Variants in LRP12 observed in about 807,000 individuals in gnomAD.
LRP12 encodes the protein LDL receptor related protein 12.
Under a neutral mutation model 66.0 loss-of-function variants are expected in LRP12, and 14 were observed. The ratio of observed to expected loss-of-function variants is 0.21; its 90% confidence interval spans 0.14 to 0.33. LRP12 has a LOEUF of 0.33. LRP12 is among the 10% of genes least tolerant of loss of function. The pLI is 1.00. For missense variants in LRP12, 889 were observed against 1,053.4 expected, an observed-to-expected ratio of 0.84 and a Z score of 2.16; for synonymous variants, 357 against 359.1, an observed-to-expected ratio of 0.99 and a Z score of 0.07.
chr8:104,544,069 A>C (rs530980238), intron 1 of LRP12, among the ~76,000 whole-genome samples: 1 of 152,354 alleles, frequency 6.6e-6, no homozygotes, highest in East Asian at 1.9e-4. Context: ...GTGCAACTCC[A>C]GTGAAAACAC....
intron 2 of LRP12, among the ~76,000 whole-genome samples, chr8:104,517,262 T>C (rs908168906): frequency 2.7e-5 from 4 of 150,768 alleles, no homozygotes; most frequent in African/African-American, 9.8e-5. Flanking sequence ...TGTTCAGTTA[T>C]AGACATGGTG....
chr8:104,491,857 G>C (rs1312436179), intron 6 of LRP12, among the ~76,000 whole-genome samples: 1 of 152,000 alleles, frequency 6.6e-6, no homozygotes, highest in East Asian at 1.9e-4. Context: ...AATCCAACAT[G>C]AAAAGTGTAC....
intron 2 of LRP12, among the ~76,000 whole-genome samples, chr8:104,513,544 A>C (rs1811028354): frequency 6.6e-6 from 1 of 152,210 alleles, no homozygotes; most frequent in South Asian, 2.1e-4. Context: ...CCATGCTAGC[A>C]GGAAAAGGCC....
chr8:104,549,328 C>T (rs1811689998), intron 1 of LRP12, among the ~76,000 whole-genome samples: 1 of 151,822 alleles, frequency 6.6e-6, no homozygotes, highest in East Asian at 1.9e-4. Flanking sequence ...ACATCTGAAG[C>T]TCATGTGGAA....
At chr8:104,502,009 A>G (rs564386601) in intron 3 of LRP12, among the ~76,000 whole-genome samples, 1 of 152,300 alleles carries the variant, frequency 6.6e-6, no homozygotes, top group South Asian at 2.1e-4. Context: ...TTCAAGTAGA[A>G]AATGAGATTC....
At chr8:104,576,435 C>T (rs1235973671) in intron 1 of LRP12, among the ~76,000 whole-genome samples, 1 of 152,186 alleles carries the variant, frequency 6.6e-6, no homozygotes, top group Non-Finnish European at 1.5e-5. Flanking sequence ...AGCAACTCTA[C>T]AAGCCAGAAG....
intron 1 of LRP12, among the ~76,000 whole-genome samples, chr8:104,539,429 G>A (rs887700700): frequency 1.3e-5 from 2 of 151,970 alleles, no homozygotes; most frequent in Non-Finnish European, 2.9e-5. Flanking sequence ...TGGGTACATA[G>A]GGGGTCATTA....
At chr8:104,509,126 T>A in intron 2 of LRP12, 52 bp from the exon 3 acceptor site, 2 of 1,544,248 alleles carry the variant, frequency 1.3e-6, no homozygotes, top group Non-Finnish European at 1.8e-6. Context: ...TTAAATGGTA[T>A]TAGGTAAATC....
At chr8:104,505,636 C>G (rs1810896805) in intron 3 of LRP12, 1 of 152,088 alleles carries the variant, frequency 6.6e-6, no homozygotes, top group Non-Finnish European at 1.5e-5. Flanking sequence ...CTCCTGACCT[C>G]AAGTGATCTG....
intron 1 of LRP12, among the ~76,000 whole-genome samples, chr8:104,542,994 A>AATATAAATATATATATATATATATAT (rs544043214): frequency 4.9e-5 from 7 of 144,116 alleles, no homozygotes; most frequent in African/African-American, 1.8e-4. Context: ...AACACACACA[A>AATATAAATATATATATATATATATAT]ATATATATAT....
At chr8:104,536,579 AG>A (rs766676879) in intron 1 of LRP12, among the ~76,000 whole-genome samples, 2 of 152,062 alleles carry the variant, frequency 1.3e-5, no homozygotes, top group Non-Finnish European at 2.9e-5. Context: ...AAGAGTTGGT[AG>A]TCTGTTGACA....
chr8:104,491,601 A>AAAC, intron 6 of LRP12, 62 bp from the exon 7 acceptor site: 11 of 1,312,620 alleles, frequency 8.4e-6, no homozygotes, highest in Admixed American at 2.6e-5. Context: ...AAAAAAAAAA[A>AAAC]AAAACACCCT....
intron 1 of LRP12, among the ~76,000 whole-genome samples, chr8:104,537,049 A>T (rs962896390): frequency 2.6e-5 from 4 of 151,618 alleles, no homozygotes; most frequent in African/African-American, 9.7e-5. Flanking sequence ...TGAACAATTA[A>T]GAAAACAGAA....
intron 1 of LRP12, among the ~76,000 whole-genome samples, chr8:104,555,602 G>T (rs772547195): frequency 2.6e-5 from 4 of 152,038 alleles, no homozygotes; most frequent in African/African-American, 4.8e-5. Flanking sequence ...CTAGTCCAAA[G>T]GAAAATATCA....
At position 104,527,651 on chromosome 8, in the gene LRP12, GA is replaced by G. The variant is rs1443446598; in HGVS notation, c.136+4255del. ...GAACAATGAGAACACATGGACACAG[GA>G]AGGGGAACATCACACTCTGGGGACT... On this transcript the variant is annotated intron_variant, in intron 2 of 6. Transcript: ENST00000276654. Among the ~76,000 whole-genome samples the G allele has an allele frequency of 1.3e-4, 20 of 152,108 alleles. No homozygotes were observed. The South Asian group carries it at 1.7e-3, about 13-fold the overall frequency.
At chr8:104,584,203 C>T (rs1812296543) in intron 1 of LRP12, among the ~76,000 whole-genome samples, 2 of 152,040 alleles carry the variant, frequency 1.3e-5, no homozygotes, top group South Asian at 4.1e-4. Context: ...AGATCATCAA[C>T]TTCCAATTCC....
At position 104,495,138 on chromosome 8, in the gene LRP12, T is replaced by C. The variant is rs145049158; in HGVS notation, c.1652A>G (p.Gln551Arg). ...TGGAATTAAACCCTGAGCAATCAAT[T>C]GTCCATACGAGGGAGGAGCTTCTCT... ...LRREAPPSYG[Q>R]LIAQGLIPPV... The change falls in exon 6 of 7, where the codon CAA becomes CGA. Residue 551 changes from glutamine to arginine, a missense_variant. Transcript: ENST00000276654. 1.9e-5 allele frequency: 30 copies of C among 1,613,912 alleles called. No individual in the cohort carries two copies. The East Asian group carries it at 6.7e-4, about 36-fold the overall frequency.
At chr8:104,529,200 A>G (rs887315312) in intron 2 of LRP12, among the ~76,000 whole-genome samples, 1 of 152,196 alleles carries the variant, frequency 6.6e-6, no homozygotes, top group Admixed American at 6.5e-5. Flanking sequence ...AGAGGAGATC[A>G]GGACAGCACA....
At position 104,552,375 on chromosome 8, in the gene LRP12, G is replaced by GTT. The variant is rs541170229; in HGVS notation, c.80-20414_80-20413dup. Reference sequence around the variant, plus strand: ...TGTATAAATATGTCTTTTTTTTGTTGTTTTTTTTTTTTTGCCGGGCGTGGT... The same window carrying GTT: ...TGTATAAATATGTCTTTTTTTTGTTGTTTTTTTTTTTTTTTGCCGGGCGTGGT... On this transcript the variant is annotated intron_variant, in intron 1 of 6. Coordinates refer to ENST00000276654, the MANE Select transcript of LRP12 (RefSeq NM_013437.5). Among the ~76,000 whole-genome samples, 205 of 138,998 alleles carry GTT rather than the reference G, an allele frequency of 1.5e-3. 1 individual carries two copies. The highest frequency in any genetic ancestry group is 5.1e-3 in the African/African-American group (195 of 38,382). 91.2% of individuals were successfully genotyped at this position (138,998 alleles called of 152,430 possible).
Sources: allele counts gnomAD v4.1 joint callset (sites outside exome capture counted in the v4.1 genomes callset), GRCh38; gene constraint gnomAD v4.1.1; transcripts MANE v1.5; gene names NCBI Gene and HGNC (gene_info 2026-07-23, HGNC 2026-07-21).